The following THAP4 variants were observed in gnomAD, a reference collection of about 807,000 sequenced individuals.
THAP4 encodes THAP domain containing 4, also known as peroxynitrite isomerase THAP4.
THAP4 carries 18 observed loss-of-function variants against 48.1 expected under a neutral mutation model. That is an observed-to-expected ratio of 0.37 (90% CI 0.26 to 0.56). The LOEUF is 0.56. THAP4 is among the 20% of genes least tolerant of loss of function. THAP4 has a pLI of 0.78. For synonymous variants in THAP4, 345 were observed against 324.9 expected, an observed-to-expected ratio of 1.06 and a Z score of -0.66; for missense variants, 656 against 774.9, an observed-to-expected ratio of 0.85 and a Z score of 1.82.
At chr2:241,634,700 C>T (rs1453400263) in intron 1 of THAP4, among the ~76,000 whole-genome samples, 1 of 152,238 alleles carries the variant, frequency 6.6e-6, no homozygotes, top group Non-Finnish European at 1.5e-5. Flanking sequence ...TGCTCACCTG[C>T]AGTTCCAGTT....
intron 5 of THAP4, among the ~76,000 whole-genome samples, chr2:241,596,062 CCTT>C (rs1397148145): frequency 6.6e-6 from 1 of 152,212 alleles, no homozygotes; most frequent in Non-Finnish European, 1.5e-5. Context: ...TGCTCCATGT[CCTT>C]CCGCTGTAAT....
chr2:241,602,403 T>A (rs986251487), intron 4 of THAP4, among the ~76,000 whole-genome samples: 1 of 151,772 alleles, frequency 6.6e-6, no homozygotes, highest in African/African-American at 2.4e-5. Context: ...CTCGCTCTGT[T>A]GCCCAGGCTG....
intron 2 of THAP4, among the ~76,000 whole-genome samples, chr2:241,609,680 G>T (rs1048329280): frequency 5.8e-4 from 89 of 152,256 alleles, no homozygotes; most frequent in African/African-American, 2.0e-3. Flanking sequence ...CCAGTTACTC[G>T]GGAGGCTGAG....
Position 241,586,796 on chromosome 2 carries a change from CA to C in THAP4, c.1615-2072del, listed in dbSNP as rs747464903. ...TGGAAAATGATCAGTAGGAAATATCCACATTGAAGCTTAGAGAATAATGGAA... is the reference window on the plus strand; with the variant it reads ...TGGAAAATGATCAGTAGGAAATATCCCATTGAAGCTTAGAGAATAATGGAA... On this transcript the variant is annotated intron_variant, in intron 5 of 5. Coordinates refer to ENST00000407315, the MANE Select transcript of THAP4 (RefSeq NM_015963.6). Among the ~76,000 whole-genome samples, 13 of 152,092 alleles carry C rather than the reference CA, an allele frequency of 8.5e-5. No individual in the cohort carries two copies. In the South Asian group the frequency reaches 2.5e-3, roughly 29 times the overall value.
In THAP4 at chr2:241,612,266, G is replaced by T. The variant is rs1268212398; in HGVS notation, c.1241-5793C>A. On this transcript the variant is annotated intron_variant, in intron 2 of 5. Transcript: ENST00000407315. The surrounding 1 kb of genome is among the most constrained non-coding windows in gnomAD (Gnocchi z 4.1). ...AGGACAGAAATGAGTTAAAAAAAAA[G>T]ACAAAAGATAGAGAAATGGAAACAA... Among the ~76,000 whole-genome samples, 1 of 152,198 alleles carries T rather than the reference G, an allele frequency of 6.6e-6. No individual in the cohort carries two copies. The highest frequency in any genetic ancestry group is 2.1e-4 in the South Asian group (1 of 4,818).
intron 5 of THAP4, among the ~76,000 whole-genome samples, chr2:241,592,876 C>T (rs573536116): frequency 2.0e-5 from 3 of 152,194 alleles, no homozygotes; most frequent in Admixed American, 6.5e-5. Flanking sequence ...GACGTCTGTA[C>T]GGGGAAAAAG....
In THAP4 at chr2:241,633,861, C is replaced by T. The variant is rs779423822; in HGVS notation, c.296G>A (p.Arg99His). The change falls in exon 2 of 6, where the codon CGC (arginine) becomes CAC (histidine). Residue 99 changes from arginine to histidine, a missense_variant. By Grantham distance (29) the Arg-to-His change is conservative. This residue lies in a region of THAP4 where 391 missense variants were observed against 412.4 expected (regional missense o/e 0.95). Transcript: ENST00000407315. This position sits in a 1 kb window ranked among gnomAD's most constrained non-coding sequence, Gnocchi z 7.5. ...EKKRGAGGHG[R>H]TRRKDASKAT... ...CTTGCTGGCATCTTTTCTCCGGGTGCGGCCATGGCCTCCAGCCCCCCTCTT... is the reference window on the plus strand; with the variant it reads ...CTTGCTGGCATCTTTTCTCCGGGTGTGGCCATGGCCTCCAGCCCCCCTCTT... The T allele has an allele frequency of 7.4e-6, 12 of 1,613,556 alleles. No individual in the cohort carries two copies. Among genetic ancestry groups the T allele is most frequent in the South Asian group, 2.2e-5 (2 of 91,070 alleles).
intron 2 of THAP4, among the ~76,000 whole-genome samples, chr2:241,627,839 G>A (rs1300754810): frequency 1.3e-5 from 2 of 152,152 alleles, no homozygotes; most frequent in Admixed American, 1.3e-4. Context: ...CCGTGGCCTG[G>A]CCTCACCTTT....
intron 5 of THAP4, among the ~76,000 whole-genome samples, chr2:241,585,930 G>GAAAAAAAAAAAAAAAAAA (rs1247935159): frequency 9.2e-6 from 1 of 108,992 alleles, no homozygotes; most frequent in Non-Finnish European, 1.8e-5. Flanking sequence ...AAAAAAAAAA[G>GAAAAAAAAAAAAAAAAAA]AAAAAAAAAA....
chr2:241,625,102 G>C (rs1482181794), intron 2 of THAP4, among the ~76,000 whole-genome samples: 2 of 152,314 alleles, frequency 1.3e-5, no homozygotes, highest in South Asian at 2.1e-4. Context: ...AATGAAACCA[G>C]AAAACAGTAG....
At chr2:241,599,735 TAC>T (rs1161787889) in intron 5 of THAP4, among the ~76,000 whole-genome samples, 2 of 152,224 alleles carry the variant, frequency 1.3e-5, no homozygotes, top group Non-Finnish European at 1.5e-5. Flanking sequence ...AGTCTTGATG[TAC>T]ATTTTATAAG....
intron 2 of THAP4, among the ~76,000 whole-genome samples, chr2:241,608,199 C>T (rs371000642): frequency 6.6e-6 from 1 of 152,128 alleles, no homozygotes; most frequent in Non-Finnish European, 1.5e-5. Flanking sequence ...CAAGGAGGGC[C>T]GCACATGTGG....
chr2:241,633,606 G>A lies in THAP4; in HGVS notation c.551C>T (p.Ala184Val). ...CGCTTCTGCTTTTCCCTGACTGCCT[G>A]CCACCATGGTGGCCAGTCCATCTCC... ...TPGDGLATMV[A>V]GSQGKAEASA... The change falls in exon 2 of 6, where the codon GCA becomes GTA. Residue 184 changes from alanine (A) to valine (V), a missense_variant. Ala to Val is a moderately conservative substitution (Grantham distance 64). This residue lies in a region of THAP4 where 391 missense variants were observed against 412.4 expected (regional missense o/e 0.95). Coordinates refer to ENST00000407315, the MANE Select transcript of THAP4 (RefSeq NM_015963.6). This position sits in a 1 kb window ranked among gnomAD's most constrained non-coding sequence, Gnocchi z 7.5. 2 of 1,613,226 alleles carry A rather than the reference G, an allele frequency of 1.2e-6. No individual in the cohort carries two copies. Among genetic ancestry groups the A allele is most frequent in the South Asian group, 2.2e-5 (2 of 91,064 alleles).
rs1444974797 is a variant in THAP4, at chr2:241,633,090, T to C, written c.1067A>G (p.Lys356Arg). 4 of 1,614,042 alleles carry C rather than the reference T, an allele frequency of 2.5e-6. No individual in the cohort carries two copies. In the South Asian group the frequency reaches 4.4e-5, roughly 18 times the overall value. ...HSYCFSSRQN[K>R]SQVCCLREQV... ...CTCCCGCAGGCAGCACACCTGGCTC[T>C]TGTTCTGCCGGGAGGAGAAGCAGTA... Residue 356 changes from lysine to arginine, a missense_variant, in exon 2 of 6, where the codon AAG (lysine) becomes AGG (arginine). Physicochemically the swap from Lys to Arg is conservative, Grantham distance 26 (BLOSUM62 2). Around this residue, in one of 4 missense-constraint regions of THAP4, gnomAD observed 391 missense variants for 412.4 expected, o/e 0.95. Transcript: ENST00000407315. The surrounding 1 kb of genome is among the most constrained non-coding windows in gnomAD (Gnocchi z 7.5).
chr2:241,615,089 C>T (rs1039016925), intron 2 of THAP4, among the ~76,000 whole-genome samples: 2 of 151,950 alleles, frequency 1.3e-5, no homozygotes, highest in Non-Finnish European at 2.9e-5. Flanking sequence ...GAAAACACTG[C>T]GCGAAAAGAA....
intron 5 of THAP4, among the ~76,000 whole-genome samples, chr2:241,598,912 G>T (rs35145466): frequency 2.7e-5 from 4 of 146,990 alleles, no homozygotes; most frequent in African/African-American, 1.0e-4. Flanking sequence ...ACCAAGATAC[G>T]CACCTGCACT....
rs113767121 is a variant in THAP4 at position 241,616,991 on chromosome 2, C to T, written c.1241-10518G>A. Among the ~76,000 whole-genome samples, 12 of 152,194 alleles carry T rather than the reference C, an allele frequency of 7.9e-5. No homozygotes were observed. Among genetic ancestry groups the T allele is most frequent in the Admixed American group, 5.2e-4 (8 of 15,278 alleles). On this transcript the variant is annotated intron_variant, in intron 2 of 5. Transcript: ENST00000407315. The surrounding 1 kb of genome is among the most constrained non-coding windows in gnomAD (Gnocchi z 4.6). ...CCCTGCACCCTCCACCACTTCGGGCCGCGTGGAACGTGGCAGCAGCCTAGC... is the reference window on the plus strand; with the variant it reads ...CCCTGCACCCTCCACCACTTCGGGCTGCGTGGAACGTGGCAGCAGCCTAGC...
chr2:241,631,893 CTTTTT>C (rs531274905), intron 2 of THAP4, among the ~76,000 whole-genome samples: 10 of 141,590 alleles, frequency 7.1e-5, no homozygotes, highest in East Asian at 2.1e-4. Flanking sequence ...TATTGTATTT[CTTTTT>C]TTTTTTTTTT....
At chr2:241,631,298 T>G (rs1473017196) in intron 2 of THAP4, among the ~76,000 whole-genome samples, 1 of 152,208 alleles carries the variant, frequency 6.6e-6, no homozygotes, top group Non-Finnish European at 1.5e-5. Context: ...TGACAAGCAT[T>G]GATCCAGATG....
Sources: gnomAD v4.1 joint callset for allele counts (sites outside exome capture counted in the v4.1 genomes callset) on GRCh38, gnomAD v4.1.1 for gene constraint, gnomAD v4.1.1 regional missense constraint, Gnocchi (gnomAD v3.1) non-coding constraint, MANE v1.5 for transcripts, NCBI Gene and HGNC (gene_info 2026-07-23, HGNC 2026-07-21) for gene names.